RGL3: variants seen among roughly 807,000 people sequenced by gnomAD.
The protein encoded by RGL3 is ral guanine nucleotide dissociation stimulator-like 3.
A neutral mutation model predicts 90.6 loss-of-function variants in RGL3; 85 were observed. That is an observed-to-expected ratio of 0.94 (90% CI 0.79 to 1.12). The LOEUF (loss-of-function observed/expected upper bound fraction) is 1.12. RGL3 is among the 50% of genes most tolerant of loss of function. RGL3 has a pLI of 0.00. For synonymous variants in RGL3, 408 were observed against 385.5 expected (o/e 1.06, Z -0.68); for missense variants, 1,034 against 939.2 (o/e 1.10, Z -1.32).
chr19:11,414,249 T>TTA (rs535470484), intron 5 of RGL3, among the ~76,000 whole-genome samples: 6 of 78,458 alleles, frequency 7.6e-5, no homozygotes, highest in East Asian at 1.1e-3. Flanking sequence ...ATATATACCT[T>TTA]TATATATATA....
At chr19:11,416,709 G>T (rs773974561) in intron 3 of RGL3, 42 bp from the exon 4 acceptor site, 3 of 1,606,460 alleles carry the variant, frequency 1.9e-6, no homozygotes, top group Non-Finnish European at 2.6e-6. Context: ...GGGGAACCTA[G>T]AGGGGGCTTA....
In RGL3 at chr19:11,406,402, C is replaced by T; in HGVS notation, c.996+17G>A. The T allele has an allele frequency of 6.6e-7, 1 of 1,525,200 alleles. No homozygotes were observed. Among genetic ancestry groups the T allele is most frequent in the Non-Finnish European group, 8.8e-7 (1 of 1,138,894 alleles). 94.5% of individuals were successfully genotyped at this position (1,525,200 alleles called of 1,614,324 possible). ...CAGGGCCCGCCCCCGCATCCCCTCT[C>T]CGCGCCCGCAACACACCTGGGCGAT... On this transcript the variant is annotated intron_variant, in intron 7 of 18. Coordinates refer to ENST00000380456, the MANE Select transcript of RGL3 (RefSeq NM_001035223.4).
chr19:11,413,806 T>A (rs930243052), intron 5 of RGL3, among the ~76,000 whole-genome samples: 4 of 148,928 alleles, frequency 2.7e-5, no homozygotes, highest in African/African-American at 9.8e-5. Flanking sequence ...TTCAGTGGCT[T>A]GATCTCAGCT....
rs1401128004 is a variant in RGL3 at position 11,397,328 on chromosome 19, C to A, written c.1930G>T (p.Val644Phe). Residue 644 changes from valine to phenylalanine, a missense_variant, in exon 18 of 19, where the codon GTC becomes TTC. Physicochemically the swap from Val to Phe is conservative, Grantham distance 50. Transcript: ENST00000380456. ...LTSQDKAPSV[V>F]RRALQKHNVP... ...TTGTGCTTCTGCAAGGCTCGCCGGACCACGCTGGGGGCTTTGTCCTGACTG... is the reference window on the plus strand; with the variant it reads ...TTGTGCTTCTGCAAGGCTCGCCGGAACACGCTGGGGGCTTTGTCCTGACTG... 1 of 1,608,822 alleles carries A rather than the reference C, an allele frequency of 6.2e-7. No individual in the cohort carries two copies.
At chr19:11,409,181 A>AG (rs1384609083) in intron 5 of RGL3, among the ~76,000 whole-genome samples, 2 of 151,086 alleles carry the variant, frequency 1.3e-5, no homozygotes, top group South Asian at 2.1e-4. Flanking sequence ...AAAAAAAAAA[A>AG]AAAAGAAAAG....
At chr19:11,396,208 G>T (rs796174160) in intron 18 of RGL3, among the ~76,000 whole-genome samples, 24 of 99,828 alleles carry the variant, frequency 2.4e-4, no homozygotes, top group African/African-American at 8.4e-4. Flanking sequence ...TTGCTCAGTC[G>T]CCAGGCTGGA....
chr19:11,417,391 C>T (rs569028428), intron 2 of RGL3, among the ~76,000 whole-genome samples: 4 of 151,432 alleles, frequency 2.6e-5, no homozygotes, highest in African/African-American at 9.7e-5. Context: ...CTCAAGTAAT[C>T]TGCCCCCCTT....
intron 5 of RGL3, among the ~76,000 whole-genome samples, chr19:11,414,855 A>G (rs1231360272): frequency 2.0e-5 from 3 of 152,034 alleles, no homozygotes; most frequent in Admixed American, 6.6e-5. Context: ...TAAGGAGGCT[A>G]CGCATGCACA....
chr19:11,409,254 G>A (rs1401279226), intron 5 of RGL3, among the ~76,000 whole-genome samples: 1 of 152,148 alleles, frequency 6.6e-6, no homozygotes, highest in Non-Finnish European at 1.5e-5. Flanking sequence ...GCCAAGGCGG[G>A]TAGATCACGA....
intron 5 of RGL3, among the ~76,000 whole-genome samples, chr19:11,408,333 G>A (rs1968816578): frequency 2.0e-5 from 3 of 152,232 alleles, no homozygotes; most frequent in African/African-American, 7.2e-5. Flanking sequence ...TGTAATCCCA[G>A]CACTTTGGGA....
rs774663120 is a variant in RGL3 at position 11,402,022 on chromosome 19, G to A, written c.1473C>T (p.Thr491=). The change falls in exon 13 of 19, where the codon ACC becomes ACT. Residue 491 remains threonine, a synonymous_variant. Coordinates refer to ENST00000380456, the MANE Select transcript of RGL3 (RefSeq NM_001035223.4). ...LAALHAQNQL[T]EEQSYRLSRV... ...TACAGGGTGGTCACCTCTGCTCCTC[G>A]GTGAGCTGGTTCTGGGCATGCAGGG... is the stretch of plus-strand genomic sequence containing the variant. 1.5e-5 allele frequency: 23 copies of A among 1,549,428 alleles called. No individual in the cohort carries two copies. The highest frequency in any genetic ancestry group is 1.0e-4 in the South Asian group (8 of 80,100).
intron 2 of RGL3, 64 bp downstream of exon 2, chr19:11,418,607 T>C: frequency 7.6e-7 from 1 of 1,319,426 alleles, no homozygotes; most frequent in Non-Finnish European, 1.0e-6. Context: ...TGTGCTCGGC[T>C]CTCCAGCTCC....
At position 11,399,875 on chromosome 19, in the gene RGL3, G is replaced by T. The variant is rs973088397; in HGVS notation, c.1726C>A (p.Pro576Thr). 2.7e-6 allele frequency: 4 copies of T among 1,507,502 alleles called. No individual in the cohort carries two copies. The highest frequency in any genetic ancestry group is 3.7e-4 in the Middle Eastern group (2 of 5,460). 93.4% of individuals were successfully genotyped at this position (1,507,502 alleles called of 1,614,324 possible). ...GGTACCTTGGTGCTGGGGCCCTGGG[G>T]CCCTGGAGAGGCCGGGGGACTGCCA... ...PAGSPPASPGPQGPSTKLPLS... is the reference protein window; with the variant it reads ...PAGSPPASPGTQGPSTKLPLS... The change falls in exon 16 of 19, where the codon CCC (proline) becomes ACC (threonine). Residue 576 changes from proline (P) to threonine (T), a missense_variant. By Grantham distance (38) the Pro-to-Thr change is conservative (BLOSUM62 -1). Coordinates refer to ENST00000380456, the MANE Select transcript of RGL3 (RefSeq NM_001035223.4).
intron 1 of RGL3, 80 bp downstream of exon 1, chr19:11,419,166 G>T: frequency 6.8e-7 from 1 of 1,474,920 alleles, no homozygotes; most frequent in Non-Finnish European, 9.3e-7. Context: ...AGCAGATACC[G>T]TCCGACGGGC....
intron 5 of RGL3, 103 bp downstream of exon 5, chr19:11,415,834 T>C (rs911394481): frequency 9.7e-7 from 1 of 1,035,076 alleles, no homozygotes. Context: ...GTTTAAAATC[T>C]TGCTTAAGTT....
At chr19:11,406,682 C>T in intron 6 of RGL3, 40 bp downstream of exon 6, 1 of 1,608,964 alleles carries the variant, frequency 6.2e-7, no homozygotes, top group Non-Finnish European at 8.5e-7. Flanking sequence ...GAACCTGTCC[C>T]CTCACTGTGG....
At chr19:11,417,700 G>C (rs1969028400) in intron 2 of RGL3, among the ~76,000 whole-genome samples, 1 of 151,200 alleles carries the variant, frequency 6.6e-6, no homozygotes, top group Non-Finnish European at 1.5e-5. Flanking sequence ...TTGAACTCCT[G>C]ACCTGATGAT....
chr19:11,397,960 G>A lies in RGL3; in HGVS notation c.1747-363C>T, dbSNP rs557712193. ...AGAGGCAGAGGTTGCAGTGAGCCAA[G>A]ATCACGCTACTGCACTCCAGCCTGC... On this transcript the variant is annotated intron_variant, in intron 16 of 18. Coordinates refer to ENST00000380456, the MANE Select transcript of RGL3 (RefSeq NM_001035223.4). Among the ~76,000 whole-genome samples the A allele has an allele frequency of 6.6e-5, 10 of 152,214 alleles. No individual in the cohort carries two copies. The East Asian group carries it at 1.7e-3, about 26-fold the overall frequency.
intron 13 of RGL3, 111 bp downstream of exon 13, chr19:11,401,900 G>C (rs1256861724): frequency 1.5e-6 from 2 of 1,365,512 alleles, no homozygotes; most frequent in African/African-American, 2.9e-5. Context: ...GGGGATCAGG[G>C]CTCAAGAGGG....
Sources: gnomAD v4.1 joint callset for allele counts (sites outside exome capture counted in the v4.1 genomes callset) on GRCh38, gnomAD v4.1.1 for gene constraint, MANE v1.5 for transcripts, NCBI Gene and HGNC (gene_info 2026-07-23, HGNC 2026-07-21) for gene names.